RGS21: variants seen among roughly 807,000 people sequenced by gnomAD.
RGS21 encodes the protein regulator of G protein signaling 21, also known as regulator of G-protein signalling 21.
In RGS21, 19 loss-of-function variants were observed where a neutral mutation model predicts 18.7. The observed-to-expected ratio is 1.01, with a 90% CI of 0.71 to 1.49. RGS21 has a LOEUF of 1.49. Among genes scored for constraint, RGS21 ranks in the 40% most tolerant of loss-of-function variants. The probability of loss-of-function intolerance (pLI) is 0.00; values close to 1 mark genes in which losing one functional copy is unlikely to be tolerated. For missense variants in RGS21, 194 were observed against 176.8 expected (o/e 1.10, Z -0.55); for synonymous variants, 56 against 57.8 (o/e 0.97, Z 0.14).
intron 1 of RGS21, among the ~76,000 whole-genome samples, chr1:192,332,859 A>G (rs1161503174): frequency 6.6e-6 from 1 of 152,158 alleles, no homozygotes; most frequent in Non-Finnish European, 1.5e-5. Context: ...AGCTGCAGTC[A>G]GTGAGCTACA....
chr1:192,343,132 T>C (rs1658896875), intron 2 of RGS21, 85 bp downstream of exon 2: 2 of 1,254,578 alleles, frequency 1.6e-6, no homozygotes, highest in Non-Finnish European at 2.3e-6. Flanking sequence ...ATGTTTTATT[T>C]CCTTCATTTA....
chr1:192,335,669 C>T (rs113509443), intron 1 of RGS21, among the ~76,000 whole-genome samples: 524 of 152,216 alleles, frequency 3.4e-3, no homozygotes, highest in African/African-American at 0.012. Context: ...ATGCTACCAA[C>T]GGAAGGTTAT....
chr1:192,329,815 A>G (rs1658620049), intron 1 of RGS21, among the ~76,000 whole-genome samples: 1 of 152,130 alleles, frequency 6.6e-6, no homozygotes, highest in South Asian at 2.1e-4. Flanking sequence ...CACACACAGA[A>G]TAGATATTCT....
In RGS21 at chr1:192,366,216, AT is replaced by A; in HGVS notation, c.*95del. On this transcript the variant is annotated 3_prime_UTR_variant, in exon 5 of 5. Transcript: ENST00000417209. ...CATTGTCTTTTGTTTTGTTTTTAGG[AT>A]TTAGAAAACATTTTTTACCCAAACA... 1.3e-6 allele frequency: 1 copy of A among 798,850 alleles called. No individual in the cohort carries two copies. The highest frequency in any genetic ancestry group is 2.0e-6 in the Non-Finnish European group (1 of 495,974). The allele number at this position is 798,850 out of a possible 1,614,324, so 49.5% of individuals were successfully genotyped here.
At chr1:192,324,076 A>G (rs1396377559) in intron 1 of RGS21, among the ~76,000 whole-genome samples, 1 of 152,094 alleles carries the variant, frequency 6.6e-6, no homozygotes, top group African/African-American at 2.4e-5. Context: ...ATATAGAAAG[A>G]AATAATACAC....
chr1:192,364,686 C>G (rs1434550934), intron 4 of RGS21, among the ~76,000 whole-genome samples: 1 of 152,030 alleles, frequency 6.6e-6, no homozygotes, highest in African/African-American at 2.4e-5. Context: ...TTACCATCTC[C>G]TGCATTTTTC....
intron 1 of RGS21, among the ~76,000 whole-genome samples, chr1:192,325,421 T>A (rs1368919435): frequency 6.6e-6 from 1 of 152,048 alleles, no homozygotes; most frequent in Admixed American, 6.6e-5. Flanking sequence ...AATATATGAG[T>A]GCATGTGTCT....
chr1:192,323,737 C>A (rs1658528004), intron 1 of RGS21, among the ~76,000 whole-genome samples: 1 of 151,954 alleles, frequency 6.6e-6, no homozygotes, highest in Admixed American at 6.6e-5. Flanking sequence ...ACTGGACAAC[C>A]ATCAGCCTGA....
intron 3 of RGS21, among the ~76,000 whole-genome samples, chr1:192,349,154 G>A (rs75829476): frequency 0.047 from 7,173 of 152,154 alleles, 356 homozygotes; most frequent in East Asian, 0.3. Context: ...ATCTCTCTGT[G>A]TGTTGTGACT....
chr1:192,342,901 A>C (rs1658891968), intron 1 of RGS21, 76 bp from the exon 2 acceptor site: 1 of 809,856 alleles, frequency 1.2e-6, no homozygotes, highest in Admixed American at 2.1e-5. Context: ...CAGAATTTAA[A>C]GAATGCCAAT....
rs1356143173 is a variant in RGS21, at chr1:192,365,858, A to G, written c.256-63A>G. On this transcript the variant is annotated intron_variant, in intron 4 of 4. Coordinates refer to ENST00000417209, the MANE Select transcript of RGS21 (RefSeq NM_001039152.3). Reference sequence around the variant, plus strand: ...TTAGAAAGAATTTTAAATAATATATATGTATAAACTATACATTCTTTGATT... The same window carrying G: ...TTAGAAAGAATTTTAAATAATATATGTGTATAAACTATACATTCTTTGATT... 3.4e-6 allele frequency: 3 copies of G among 872,044 alleles called. No individual in the cohort carries two copies. In the Admixed American group the frequency reaches 7.1e-5, roughly 21 times the overall value. 54.0% of individuals were successfully genotyped at this position (872,044 alleles called of 1,614,324 possible).
intron 1 of RGS21, among the ~76,000 whole-genome samples, chr1:192,336,786 A>G (rs1011882049): frequency 6.6e-6 from 1 of 152,162 alleles, no homozygotes; most frequent in Non-Finnish European, 1.5e-5. Flanking sequence ...TTAAAAAAAA[A>G]TGATATGAAA....
At position 192,321,945 on chromosome 1, in the gene RGS21, T is replaced by C. The variant is rs1037551133; in HGVS notation, c.-61+4840T>C. Among the ~76,000 whole-genome samples the C allele has an allele frequency of 8.8e-4, 134 of 152,126 alleles. 10 individuals carry two copies. Among genetic ancestry groups the C allele is most frequent in the Non-Finnish European group, 1.8e-4 (12 of 67,992 alleles). On this transcript the variant is annotated intron_variant, in intron 1 of 4. Transcript: ENST00000417209. ...TTCCCCAACACACACACAGAGATTA[T>C]AGCAAGTAAATCTTCTGCAAGTCTC... is the stretch of plus-strand genomic sequence containing the variant.
In RGS21 at chr1:192,366,916, A is replaced by G. The variant is rs1659268067; in HGVS notation, c.*792A>G. 1 of 152,086 alleles carries G rather than the reference A, an allele frequency of 6.6e-6. No homozygotes were observed. Among genetic ancestry groups the G allele is most frequent in the African/African-American group, 2.4e-5 (1 of 41,454 alleles). The allele number at this position is 152,086 out of a possible 1,614,324, so 9.4% of individuals were successfully genotyped here. A position where few individuals can be genotyped will look rare whatever the true frequency, so the allele number is the denominator to read the frequency against. On this transcript the variant is annotated 3_prime_UTR_variant, in exon 5 of 5. Transcript: ENST00000417209. The stretch of plus-strand genomic sequence containing the variant: ...AAGAATTTGCAACATTATCTACTCA[A>G]TTGTGGGGAAGTATCTATTCACTCC...
At chr1:192,328,386 G>A (rs1658598786) in intron 1 of RGS21, among the ~76,000 whole-genome samples, 1 of 152,124 alleles carries the variant, frequency 6.6e-6, no homozygotes, top group Non-Finnish European at 1.5e-5. Flanking sequence ...TAGAGTAAGT[G>A]CTTAGTAGTT....
intron 1 of RGS21, among the ~76,000 whole-genome samples, chr1:192,342,162 T>C (rs887656624): frequency 1.3e-5 from 2 of 152,010 alleles, no homozygotes; most frequent in Non-Finnish European, 2.9e-5. Context: ...ACCTGAAAAA[T>C]TGTCAATCTT....
intron 1 of RGS21, among the ~76,000 whole-genome samples, chr1:192,333,505 G>T (rs975373190): frequency 2.0e-5 from 3 of 151,828 alleles, no homozygotes; most frequent in Non-Finnish European, 4.4e-5. Context: ...CAATAAAAAG[G>T]CAAGGGCTAG....
At position 192,340,824 on chromosome 1, in the gene RGS21, A is replaced by G. The variant is rs551710957; in HGVS notation, c.-60-2153A>G. Reference sequence around the variant, plus strand: ...AACCAAAAGGGGAAACTCCGTATGAAATTATTAGATCTCATGAGACTTATT... The same window carrying G: ...AACCAAAAGGGGAAACTCCGTATGAGATTATTAGATCTCATGAGACTTATT... On this transcript the variant is annotated intron_variant, in intron 1 of 4. Transcript: ENST00000417209. 7.9e-5 allele frequency among the ~76,000 whole-genome samples: 12 copies of G among 152,220 alleles called. No homozygotes were observed. The East Asian group carries it at 2.3e-3, about 29-fold the overall frequency.
In RGS21 at chr1:192,352,206, C is replaced by T. The variant is rs1659052794; in HGVS notation, c.248C>T (p.Pro83Leu). The T allele has an allele frequency of 1.9e-6, 3 of 1,602,552 alleles. No individual in the cohort carries two copies. The highest frequency in any genetic ancestry group is 2.6e-6 in the Non-Finnish European group (3 of 1,175,196). Residue 83 changes from proline (P) to leucine (L), a missense_variant, in exon 4 of 5, where the codon CCT (proline) becomes CTT (leucine). Physicochemically the swap from Pro to Leu is moderately conservative, Grantham distance 98. Coordinates refer to ENST00000417209, the MANE Select transcript of RGS21 (RefSeq NM_001039152.3). ...IYSEFIEADA[P>L]KEINIDFGTR... ...TCTGAATTCATTGAAGCTGATGCAC[C>T]TAAAGAGGTGAGTGAACTACTTCAG...
Sources: gnomAD v4.1 joint callset for allele counts (sites outside exome capture counted in the v4.1 genomes callset) on GRCh38, gnomAD v4.1.1 for gene constraint, MANE v1.5 for transcripts, NCBI Gene and HGNC (gene_info 2026-07-23, HGNC 2026-07-21) for gene names.